Variants in AUH observed in about 807,000 individuals in gnomAD.
AUH encodes methylglutaconyl-CoA hydratase, mitochondrial.
In AUH, 29 loss-of-function variants were observed where a neutral mutation model predicts 42.3. The ratio of observed to expected loss-of-function variants is 0.69; its 90% CI spans 0.51 to 0.93. AUH has a LOEUF of 0.93. Among genes scored for constraint, AUH ranks in the 40% least tolerant of loss-of-function variants. The pLI is 0.00. For synonymous variants in AUH, 174 were observed against 166.4 expected (o/e 1.05, Z -0.35); for missense variants, 452 against 438.1 (o/e 1.03, Z -0.28).
intron 6 of AUH, among the ~76,000 whole-genome samples, chr9:91,263,106 G>A (rs1200259396): frequency 4.2e-4 from 64 of 152,274 alleles, no homozygotes; most frequent in East Asian, 9.6e-4. Context: ...TGCCAAGAAC[G>A]CAAACTAGGT....
In AUH at chr9:91,218,477, C is replaced by T. The variant is rs1826951938; in HGVS notation, c.844-1150G>A. The T allele has an allele frequency of 2.2e-5, 8 of 358,412 alleles. No homozygotes were observed. In the South Asian group the frequency reaches 7.9e-4, roughly 35 times the overall value. The allele number at this position is 358,412 out of a possible 1,614,324, so 22.2% of individuals were successfully genotyped here. On this transcript the variant is annotated intron_variant, in intron 7 of 9. Transcript: ENST00000375731. Reference sequence around the variant, plus strand: ...CAAACTCCTAGATGCACACAAATCCCCATCCTCCTTGTTAAAATGCAGATG... The same window carrying T: ...CAAACTCCTAGATGCACACAAATCCTCATCCTCCTTGTTAAAATGCAGATG...
intron 3 of AUH, among the ~76,000 whole-genome samples, chr9:91,350,036 A>C (rs903101270): frequency 1.3e-5 from 2 of 152,246 alleles, no homozygotes; most frequent in Non-Finnish European, 2.9e-5. Flanking sequence ...CACGATCAAC[A>C]ATATATTAAA....
At chr9:91,264,200 A>G (rs943192678) in intron 6 of AUH, among the ~76,000 whole-genome samples, 12 of 152,230 alleles carry the variant, frequency 7.9e-5, no homozygotes, top group African/African-American at 2.9e-4. Context: ...ATTACATTTC[A>G]TTCTTTACAA....
At chr9:91,359,789 C>T (rs1832709556) in intron 1 of AUH, among the ~76,000 whole-genome samples, 2 of 152,136 alleles carry the variant, frequency 1.3e-5, no homozygotes, top group African/African-American at 2.4e-5. Context: ...TTGGACCCAC[C>T]TCTAAGAGAA....
intron 3 of AUH, 26 bp downstream of exon 3, chr9:91,355,857 T>A: frequency 6.3e-7 from 1 of 1,581,988 alleles, no homozygotes; most frequent in Non-Finnish European, 8.7e-7. Context: ...TACAGTTTAA[T>A]TTCATAATAC....
In AUH at chr9:91,220,855, C is replaced by A; in HGVS notation, c.793G>T (p.Asp265Tyr). Reference protein sequence around the residue: ...SHVLEQNQEGDAAYRKALDLA... With the variant: ...SHVLEQNQEGYAAYRKALDLA... Reference sequence around the variant, plus strand: ...TCCAAGGCCTTCCTGTAGGCCGCGTCTCCCTCCTGGTTCTGTTCCAGAACG... The same window carrying A: ...TCCAAGGCCTTCCTGTAGGCCGCGTATCCCTCCTGGTTCTGTTCCAGAACG... The change falls in exon 7 of 10, where the codon GAC (aspartate) becomes TAC (tyrosine). Residue 265 changes from aspartate to tyrosine, a missense_variant. Asp to Tyr is a radical substitution (Grantham distance 160). Coordinates refer to ENST00000375731, the MANE Select transcript of AUH (RefSeq NM_001698.3). 1 of 1,614,262 alleles carries A rather than the reference C, an allele frequency of 6.2e-7. No homozygotes were observed. Among genetic ancestry groups the A allele is most frequent in the South Asian group, 1.1e-5 (1 of 91,092 alleles).
chr9:91,262,212 T>G (rs1829741813), intron 6 of AUH, among the ~76,000 whole-genome samples: 1 of 152,246 alleles, frequency 6.6e-6, no homozygotes. Flanking sequence ...AAGAGTAGTT[T>G]ATACATCCAT....
chr9:91,295,993 T>G, intron 6 of AUH, 28 bp downstream of exon 6: 1 of 1,613,358 alleles, frequency 6.2e-7, no homozygotes, highest in Middle Eastern at 1.7e-4. Flanking sequence ...AATCAAGGAT[T>G]TGAGGAATGG....
At chr9:91,236,113 G>C (rs1828161697) in intron 6 of AUH, among the ~76,000 whole-genome samples, 1 of 152,212 alleles carries the variant, frequency 6.6e-6, no homozygotes, top group South Asian at 2.1e-4. Flanking sequence ...ATGCATTTCA[G>C]AAAGTGGAAA....
At chr9:91,354,456 C>T (rs1176147921) in intron 3 of AUH, among the ~76,000 whole-genome samples, 1 of 152,192 alleles carries the variant, frequency 6.6e-6, no homozygotes, top group Non-Finnish European at 1.5e-5. Flanking sequence ...TATTTGAGGA[C>T]ATTTTGCATG....
intron 3 of AUH, among the ~76,000 whole-genome samples, chr9:91,351,987 TTA>T (rs1327639414): frequency 6.6e-6 from 1 of 152,100 alleles, no homozygotes; most frequent in African/African-American, 2.4e-5. Context: ...TATTATAATC[TTA>T]TGAGGCTGGG....
chr9:91,284,168 A>G (rs1047432540), intron 6 of AUH, among the ~76,000 whole-genome samples: 4 of 152,122 alleles, frequency 2.6e-5, no homozygotes, highest in African/African-American at 9.7e-5. Flanking sequence ...ACACATCTAC[A>G]ACCATCTGAT....
chr9:91,227,742 AT>A (rs1455011827), intron 6 of AUH, among the ~76,000 whole-genome samples: 2 of 152,042 alleles, frequency 1.3e-5, no homozygotes, highest in African/African-American at 2.4e-5. Flanking sequence ...TACCTAATTT[AT>A]TGAGAGCTTT....
At chr9:91,293,779 T>C (rs1045562199) in intron 6 of AUH, among the ~76,000 whole-genome samples, 1 of 152,238 alleles carries the variant, frequency 6.6e-6, no homozygotes, top group East Asian at 1.9e-4. Context: ...ATCTTCAGTG[T>C]AGACAAAACA....
At chr9:91,245,335 G>A (rs1053551238) in intron 6 of AUH, among the ~76,000 whole-genome samples, 1 of 152,198 alleles carries the variant, frequency 6.6e-6, no homozygotes, top group Non-Finnish European at 1.5e-5. Context: ...AGAAGACAAA[G>A]GGGTGCAATG....
chr9:91,327,574 T>C (rs549176868), intron 3 of AUH, among the ~76,000 whole-genome samples: 2 of 152,168 alleles, frequency 1.3e-5, no homozygotes, highest in African/African-American at 4.8e-5. Flanking sequence ...ATAAAATTCT[T>C]CTCTGCCTTA....
chr9:91,246,317 T>C (rs1455405225), intron 6 of AUH, among the ~76,000 whole-genome samples: 1 of 152,048 alleles, frequency 6.6e-6, no homozygotes, highest in East Asian at 1.9e-4. Context: ...CATGGCATAG[T>C]TACTGGACAA....
intron 3 of AUH, among the ~76,000 whole-genome samples, chr9:91,333,899 C>G (rs554951722): frequency 1.3e-5 from 2 of 152,274 alleles, no homozygotes; most frequent in South Asian, 2.1e-4. Context: ...CTTTTTTCCC[C>G]TCCCTGTAGC....
intron 6 of AUH, among the ~76,000 whole-genome samples, chr9:91,278,214 G>A (rs1825697714): frequency 6.6e-6 from 1 of 152,154 alleles, no homozygotes; most frequent in South Asian, 2.1e-4. Flanking sequence ...CAGCAATATA[G>A]TCACAAAGTC....
Sources: allele counts gnomAD v4.1 joint callset (sites outside exome capture counted in the v4.1 genomes callset), GRCh38; gene constraint gnomAD v4.1.1; transcripts MANE v1.5; gene names NCBI Gene and HGNC (gene_info 2026-07-23, HGNC 2026-07-21).